Variants in ANTXR1 observed in about 807,000 individuals in gnomAD.
The protein encoded by ANTXR1 is anthrax toxin receptor 1.
Under a neutral mutation model 78.1 loss-of-function variants are expected in ANTXR1, and 19 were observed. The observed-to-expected ratio is 0.24, with a 90% confidence interval of 0.17 to 0.36. The LOEUF (loss-of-function observed/expected upper bound fraction) is 0.36, where lower values mean the gene tolerates loss of function less well. Among genes scored for constraint, ANTXR1 ranks in the 10% least tolerant of loss-of-function variants. ANTXR1 has a pLI of 1.00. For synonymous variants in ANTXR1, 273 were observed against 260.5 expected (o/e 1.05, Z -0.46); for missense variants, 518 against 718.6 (o/e 0.72, Z 3.19).
At chr2:69,222,169 C>G (rs974982570) in intron 17 of ANTXR1, among the ~76,000 whole-genome samples, 1 of 152,184 alleles carries the variant, frequency 6.6e-6, no homozygotes, top group Non-Finnish European at 1.5e-5. Context: ...TTAAAAATCA[C>G]TCTCCTGTCT....
At chr2:69,152,858 A>T (rs112678191) in intron 13 of ANTXR1, among the ~76,000 whole-genome samples, 3 of 152,240 alleles carry the variant, frequency 2.0e-5, no homozygotes, top group Non-Finnish European at 2.9e-5. Context: ...CCTCCTCCCC[A>T]TCAGTGTCAT....
chr2:69,059,379 A>T (rs1257215042), intron 3 of ANTXR1, among the ~76,000 whole-genome samples: 1 of 152,236 alleles, frequency 6.6e-6, no homozygotes, highest in African/African-American at 2.4e-5. Flanking sequence ...AGCCGTCAGT[A>T]TCGAGGCAGA....
chr2:69,210,383 G>A (rs984865914), intron 17 of ANTXR1, among the ~76,000 whole-genome samples: 6 of 152,198 alleles, frequency 3.9e-5, no homozygotes, highest in African/African-American at 1.4e-4. Flanking sequence ...ACACATTCAA[G>A]GTGAATAAGG....
At chr2:69,030,498 T>A (rs1671498032) in intron 1 of ANTXR1, among the ~76,000 whole-genome samples, 1 of 152,184 alleles carries the variant, frequency 6.6e-6, no homozygotes, top group African/African-American at 2.4e-5. Flanking sequence ...AATAATATCC[T>A]AAGACCAAGT....
chr2:69,126,111 T>A (rs1452305799), intron 12 of ANTXR1, among the ~76,000 whole-genome samples: 1 of 152,134 alleles, frequency 6.6e-6, no homozygotes, highest in East Asian at 1.9e-4. Flanking sequence ...ATGCACTGAA[T>A]GTAGATAATA....
chr2:69,222,836 T>A (rs966687239), intron 17 of ANTXR1, among the ~76,000 whole-genome samples: 5 of 152,244 alleles, frequency 3.3e-5, no homozygotes, highest in African/African-American at 1.2e-4. Flanking sequence ...TAAACCACTT[T>A]CGCATGGCCC....
At chr2:69,187,289 C>T (rs1396791957) in intron 16 of ANTXR1, among the ~76,000 whole-genome samples, 4 of 152,088 alleles carry the variant, frequency 2.6e-5, no homozygotes, top group African/African-American at 9.7e-5. Context: ...TGATATTTAG[C>T]CTGCATTTTC....
chr2:69,074,457 C>G (rs190983059), intron 6 of ANTXR1, among the ~76,000 whole-genome samples: 2 of 152,220 alleles, frequency 1.3e-5, no homozygotes, highest in East Asian at 1.9e-4. Flanking sequence ...ATGGCACATA[C>G]AAACTTGGGA....
intron 10 of ANTXR1, among the ~76,000 whole-genome samples, chr2:69,120,679 T>A (rs953315360): frequency 1.3e-4 from 19 of 151,742 alleles, no homozygotes; most frequent in African/African-American, 4.6e-4. Context: ...AAAAAGATAA[T>A]AATAATAATA....
At chr2:69,079,077 A>G (rs1359830816) in intron 8 of ANTXR1, among the ~76,000 whole-genome samples, 4 of 152,160 alleles carry the variant, frequency 2.6e-5, no homozygotes, top group Admixed American at 2.0e-4. Flanking sequence ...TTATGTTCCA[A>G]TGACAGTTGT....
chr2:69,097,824 A>C (rs981644264), intron 9 of ANTXR1, among the ~76,000 whole-genome samples: 3 of 152,274 alleles, frequency 2.0e-5, no homozygotes, highest in Non-Finnish European at 2.9e-5. Context: ...AGCCAAAAAC[A>C]ACTAAAATGT....
At chr2:69,230,581 G>A (rs1272678902) in intron 17 of ANTXR1, among the ~76,000 whole-genome samples, 1 of 152,008 alleles carries the variant, frequency 6.6e-6, no homozygotes, top group East Asian at 1.9e-4. Context: ...AGTCAAAATG[G>A]CAATTTGAGT....
At chr2:69,060,741 G>A (rs1257236661) in intron 3 of ANTXR1, among the ~76,000 whole-genome samples, 1 of 152,216 alleles carries the variant, frequency 6.6e-6, no homozygotes, top group African/African-American at 2.4e-5. Flanking sequence ...CTTGCTAGAA[G>A]CAGTTTCAGC....
Position 69,096,483 on chromosome 2 carries a change from AGAGG to A in ANTXR1, c.703+5585_703+5588del, listed in dbSNP as rs56655171. Among the ~76,000 whole-genome samples the A allele has an allele frequency of 5.1e-4, 69 of 135,678 alleles. 1 individual carries two copies. Among genetic ancestry groups the A allele is most frequent in the African/African-American group, 1.0e-3 (36 of 35,866 alleles). The allele number at this position is 135,678 out of a possible 152,430, so 89.0% of individuals were successfully genotyped here. On this transcript the variant is annotated intron_variant, in intron 9 of 17. Transcript: ENST00000303714. ...AGGAAAGAAAGAAAGAGAGAGAGAA[AGAGG>A]GAGGGAGGGAGGGAGGGAGGAAGGG...
chr2:69,020,954 T>C (rs979161012), intron 1 of ANTXR1, among the ~76,000 whole-genome samples: 4 of 152,086 alleles, frequency 2.6e-5, no homozygotes, highest in African/African-American at 9.7e-5. Context: ...GAATGCAAAA[T>C]AAACAGGAAG....
intron 12 of ANTXR1, among the ~76,000 whole-genome samples, chr2:69,130,621 G>A (rs1672712155): frequency 2.6e-5 from 4 of 152,158 alleles, no homozygotes; most frequent in South Asian, 2.1e-4. Flanking sequence ...CATTTTTATA[G>A]TAAAGATTAA....
At chr2:69,205,491 C>G (rs114859207) in intron 17 of ANTXR1, among the ~76,000 whole-genome samples, 133 of 152,310 alleles carry the variant, frequency 8.7e-4, no homozygotes, top group African/African-American at 3.1e-3. Flanking sequence ...CCTTCCTCCT[C>G]CGCTTACAGC....
intron 13 of ANTXR1, among the ~76,000 whole-genome samples, chr2:69,155,594 G>C (rs1404943350): frequency 3.9e-5 from 6 of 152,116 alleles, no homozygotes; most frequent in Admixed American, 2.6e-4. Context: ...AACAGAAAAG[G>C]ATCATTTTTT....
At chr2:69,070,620 G>A (rs780911033) in intron 3 of ANTXR1, 27 bp from the exon 4 acceptor site, 17 of 1,609,120 alleles carry the variant, frequency 1.1e-5, no homozygotes, top group Non-Finnish European at 1.4e-5. Context: ...ACTCAAATAA[G>A]ACTAACAGAG....
Sources: gnomAD v4.1 joint callset for allele counts (sites outside exome capture counted in the v4.1 genomes callset) on GRCh38, gnomAD v4.1.1 for gene constraint, MANE v1.5 for transcripts, NCBI Gene and HGNC (gene_info 2026-07-23, HGNC 2026-07-21) for gene names.